Variants in CRISPLD1 observed in about 807,000 individuals in gnomAD.
CRISPLD1 encodes the protein cysteine-rich secretory protein LCCL domain-containing 1.
Under a neutral mutation model 77.5 loss-of-function variants are expected in CRISPLD1, and 60 were observed. The observed-to-expected ratio is 0.77, with a 90% CI of 0.63 to 0.96. CRISPLD1 has a LOEUF of 0.96. Among genes scored for constraint, CRISPLD1 ranks in the 40% least tolerant of loss-of-function variants. The probability of loss-of-function intolerance (pLI) is 0.00; values close to 1 mark genes in which losing one functional copy is unlikely to be tolerated. For synonymous variants in CRISPLD1, 195 were observed against 200.1 expected (o/e 0.97, Z 0.22); for missense variants, 623 against 615.8 (o/e 1.01, Z -0.12).
chr8:75,022,639 TATA>T (rs1276380155), intron 12 of CRISPLD1, among the ~76,000 whole-genome samples: 1 of 151,838 alleles, frequency 6.6e-6, no homozygotes, highest in Admixed American at 6.6e-5. Flanking sequence ...TAAACTGGGT[TATA>T]ATGATATTAT....
rs1451002021 is a variant in CRISPLD1 at position 75,012,507 on chromosome 8, C to T, written c.333C>T (p.Ser111=). ...ESCLWEHGPA[S]LLPSIGQNLG... Reference sequence around the variant, plus strand: ...GCTTGTGGGAACATGGACCTGCAAGCTTGCTTCCATCAATTGGACAGAATT... The same window carrying T: ...GCTTGTGGGAACATGGACCTGCAAGTTTGCTTCCATCAATTGGACAGAATT... Residue 111 remains serine, a synonymous_variant, in exon 3 of 15, where the codon AGC becomes AGT. Coordinates refer to ENST00000262207, the MANE Select transcript of CRISPLD1 (RefSeq NM_031461.6). The T allele has an allele frequency of 6.2e-7, 1 of 1,612,908 alleles. No individual in the cohort carries two copies.
intron 12 of CRISPLD1, among the ~76,000 whole-genome samples, chr8:75,023,178 C>G (rs1563402303): frequency 1.3e-5 from 2 of 152,000 alleles, no homozygotes; most frequent in South Asian, 4.1e-4. Flanking sequence ...CAAAAAACTT[C>G]CCCCAATCTT....
chr8:75,032,060 A>G, intron 14 of CRISPLD1, 131 bp from the exon 15 acceptor site: 2 of 585,512 alleles, frequency 3.4e-6, no homozygotes, highest in Non-Finnish European at 6.1e-6. Flanking sequence ...AAATTATAGT[A>G]GCCTAAGAAA....
At position 75,017,066 on chromosome 8, in the gene CRISPLD1, T is replaced by C. The variant is rs1164489016; in HGVS notation, c.949T>C (p.Cys317Arg). 4 of 1,612,624 alleles carry C rather than the reference T, an allele frequency of 2.5e-6. No individual in the cohort carries two copies. The highest frequency in any genetic ancestry group is 3.4e-6 in the Non-Finnish European group (4 of 1,179,290). Reference sequence around the variant, plus strand: ...ATTTAGGTACGAATGTCCTGCTGGCTGTTTGGATAGTAAAGCTAAAGTTAT... The same window carrying C: ...ATTTAGGTACGAATGTCCTGCTGGCCGTTTGGATAGTAAAGCTAAAGTTAT... ...TCNRYECPAG[C>R]LDSKAKVIGS... is the part of the protein sequence containing the mutation. The change falls in exon 9 of 15, where the codon TGT becomes CGT. Residue 317 changes from cysteine to arginine, a missense_variant. Physicochemically the swap from Cys to Arg is radical, Grantham distance 180 (BLOSUM62 -3). Coordinates refer to ENST00000262207, the MANE Select transcript of CRISPLD1 (RefSeq NM_031461.6).
In CRISPLD1 at chr8:75,033,486, T is replaced by C. The variant is rs1035273787; in HGVS notation, c.*1244T>C. On this transcript the variant is annotated 3_prime_UTR_variant, in exon 15 of 15. Coordinates refer to ENST00000262207, the MANE Select transcript of CRISPLD1 (RefSeq NM_031461.6). The stretch of plus-strand genomic sequence containing the variant: ...TTTGTATGTGAAAGAGAAACACATA[T>C]TTAGAAACACAGCAAGGGAGATTTT... 9.2e-5 allele frequency: 14 copies of C among 152,034 alleles called. 1 individual carries two copies. The highest frequency in any genetic ancestry group is 4.2e-4 in the South Asian group (2 of 4,810). The allele number at this position is 152,034 out of a possible 1,614,324, so 9.4% of individuals were successfully genotyped here. A position where few individuals can be genotyped will look rare whatever the true frequency, so the allele number is the denominator to read the frequency against.
chr8:75,034,059 C>T lies in CRISPLD1; in HGVS notation c.*1817C>T, dbSNP rs149356080. The T allele has an allele frequency of 2.6e-4, 40 of 152,126 alleles. 1 individual carries two copies. Among genetic ancestry groups the T allele is most frequent in the African/African-American group, 8.7e-4 (36 of 41,550 alleles). The allele number at this position is 152,126 out of a possible 1,614,324, so 9.4% of individuals were successfully genotyped here. ...ATCAATTCCACTTACTATTGTAATACCTTCAGCTGGAGCCTGTGTCTTTCT... is the reference window on the plus strand; with the variant it reads ...ATCAATTCCACTTACTATTGTAATATCTTCAGCTGGAGCCTGTGTCTTTCT... On this transcript the variant is annotated 3_prime_UTR_variant, in exon 15 of 15. Coordinates refer to ENST00000262207, the MANE Select transcript of CRISPLD1 (RefSeq NM_031461.6).
chr8:75,005,928 T>A (rs1188810262), intron 2 of CRISPLD1, among the ~76,000 whole-genome samples: 1 of 152,174 alleles, frequency 6.6e-6, no homozygotes, highest in Non-Finnish European at 1.5e-5. Context: ...TTTATTTTGC[T>A]TTGTAGATTC....
At chr8:75,029,601 T>C (rs1813298348) in intron 14 of CRISPLD1, 84 bp downstream of exon 14, 1 of 1,415,876 alleles carries the variant, frequency 7.1e-7, no homozygotes, top group Non-Finnish European at 9.6e-7. Flanking sequence ...CCCACTTGAA[T>C]ATTTTTAATT....
chr8:75,026,326 C>T (rs928353202), intron 13 of CRISPLD1: 8 of 152,504 alleles, frequency 5.2e-5, no homozygotes, highest in African/African-American at 1.9e-4. Context: ...CCTGCCTTGG[C>T]CTTCCAAGGT....
chr8:75,022,172 TAATA>T (rs900772354), intron 12 of CRISPLD1, among the ~76,000 whole-genome samples: 2 of 152,192 alleles, frequency 1.3e-5, no homozygotes, highest in African/African-American at 4.8e-5. Flanking sequence ...GTTACCAACA[TAATA>T]AATCCATAGA....
At chr8:75,028,355 G>A (rs1806160267) in intron 13 of CRISPLD1, among the ~76,000 whole-genome samples, 1 of 152,068 alleles carries the variant, frequency 6.6e-6, no homozygotes, top group Non-Finnish European at 1.5e-5. Flanking sequence ...AGATATACAT[G>A]CTTATTTTAA....
chr8:75,008,041 ATG>A (rs1812865209), intron 2 of CRISPLD1, among the ~76,000 whole-genome samples: 2 of 152,144 alleles, frequency 1.3e-5, no homozygotes, highest in African/African-American at 2.4e-5. Context: ...CACACTTGAG[ATG>A]AGAAAGCCTT....
At chr8:75,031,996 T>C (rs1317930650) in intron 14 of CRISPLD1, among the ~76,000 whole-genome samples, 195 bp from the exon 15 acceptor site, 4 of 152,014 alleles carry the variant, frequency 2.6e-5, no homozygotes, top group Non-Finnish European at 5.9e-5. Context: ...CAGCCCAGCA[T>C]AGAACCAAGA....
Position 75,027,136 on chromosome 8 carries a change from C to T in CRISPLD1, c.1320+1515C>T, listed in dbSNP as rs531643076. Among the ~76,000 whole-genome samples, 18 of 152,110 alleles carry T rather than the reference C, an allele frequency of 1.2e-4. No individual in the cohort carries two copies. The East Asian group carries it at 2.1e-3, about 18-fold the overall frequency. On this transcript the variant is annotated intron_variant, in intron 13 of 14. Coordinates refer to ENST00000262207, the MANE Select transcript of CRISPLD1 (RefSeq NM_031461.6). Reference sequence around the variant, plus strand: ...TTGTATTGGGTATTATGATTATTACCGTATCTCTTTTATTAGTTTGTAAGT... The same window carrying T: ...TTGTATTGGGTATTATGATTATTACTGTATCTCTTTTATTAGTTTGTAAGT...
intron 2 of CRISPLD1, among the ~76,000 whole-genome samples, chr8:74,988,865 C>G (rs767548000): frequency 1.4e-4 from 21 of 152,118 alleles, no homozygotes; most frequent in African/African-American, 5.1e-4. Context: ...GTCTGGAAAG[C>G]CTTATTTTCT....
At chr8:74,990,415 C>T (rs370498495) in intron 2 of CRISPLD1, among the ~76,000 whole-genome samples, 1 of 152,272 alleles carries the variant, frequency 6.6e-6, no homozygotes, top group Admixed American at 6.5e-5. Context: ...TCTTCCATAT[C>T]CCCATGCTCT....
At chr8:75,027,453 T>A (rs1236744025) in intron 13 of CRISPLD1, among the ~76,000 whole-genome samples, 1 of 152,246 alleles carries the variant, frequency 6.6e-6, no homozygotes, top group Non-Finnish European at 1.5e-5. Context: ...CTAGTGAAAG[T>A]CTTTCAAAAT....
intron 5 of CRISPLD1, among the ~76,000 whole-genome samples, chr8:75,014,398 A>G (rs965338506): frequency 2.0e-5 from 3 of 152,164 alleles, no homozygotes; most frequent in African/African-American, 7.2e-5. Context: ...TTAGAGATTA[A>G]CAGCTATACA....
chr8:75,030,349 A>G lies in CRISPLD1; in HGVS notation c.1451+832A>G, dbSNP rs375357227. Among the ~76,000 whole-genome samples, 3 of 152,110 alleles carry G rather than the reference A, an allele frequency of 2.0e-5. No homozygotes were observed. In the East Asian group the frequency reaches 5.8e-4, roughly 29 times the overall value. ...GCATTATCTGTTTTCATATTAGACT[A>G]TATCAAGAGGTAAGTGTTGAGAAAG... On this transcript the variant is annotated intron_variant, in intron 14 of 14. Coordinates refer to ENST00000262207, the MANE Select transcript of CRISPLD1 (RefSeq NM_031461.6).
Sources: allele counts gnomAD v4.1 joint callset (sites outside exome capture counted in the v4.1 genomes callset), GRCh38; gene constraint gnomAD v4.1.1; transcripts MANE v1.5; gene names NCBI Gene and HGNC (gene_info 2026-07-23, HGNC 2026-07-21).